TBC1D30: variants seen among roughly 807,000 people sequenced by gnomAD.
TBC1D30 encodes TBC1 domain family, member 30.
Under a neutral mutation model 63.2 loss-of-function variants are expected in TBC1D30, and 31 were observed. That is an observed-to-expected ratio of 0.49 (90% CI 0.37 to 0.66). The LOEUF (loss-of-function observed/expected upper bound fraction) is 0.66. Among genes scored for constraint, TBC1D30 ranks in the 30% least tolerant of loss-of-function variants. The pLI is 0.00. For missense variants in TBC1D30, 810 were observed against 953.6 expected (o/e 0.85, Z 1.98); for synonymous variants, 307 against 361.5 (o/e 0.85, Z 1.71).
At chr12:64,867,742 C>A (rs1006507541) in intron 10 of TBC1D30, among the ~76,000 whole-genome samples, 2 of 152,066 alleles carry the variant, frequency 1.3e-5, no homozygotes, top group African/African-American at 4.8e-5. Context: ...ATTATGGTGA[C>A]CTCTACTTGA....
intron 6 of TBC1D30, 60 bp from the exon 7 acceptor site, chr12:64,838,623 A>G (rs1045554742): frequency 1.1e-5 from 16 of 1,485,130 alleles, no homozygotes; most frequent in Admixed American, 2.0e-5. Context: ...AGAAAAGGGT[A>G]TCTGCATATG....
chr12:64,835,001 A>G (rs1159925880), intron 5 of TBC1D30, among the ~76,000 whole-genome samples: 1 of 152,062 alleles, frequency 6.6e-6, no homozygotes, highest in Non-Finnish European at 1.5e-5. Flanking sequence ...TTACGTCTGC[A>G]TTCATGATCC....
At chr12:64,871,476 C>G (rs1878652275) in intron 11 of TBC1D30, among the ~76,000 whole-genome samples, 1 of 152,088 alleles carries the variant, frequency 6.6e-6, no homozygotes, top group Non-Finnish European at 1.5e-5. Context: ...AAAATGGTGC[C>G]TGTCCAGAAT....
Position 64,763,436 on chromosome 12 carries a change from A to G in TBC1D30, c.-376+3787A>G, listed in dbSNP as rs115935626. 2.2e-3 allele frequency among the ~76,000 whole-genome samples: 336 copies of G among 152,288 alleles called. 2 individuals are homozygous for G. The highest frequency in any genetic ancestry group is 7.5e-3 in the African/African-American group (312 of 41,562). ...AAATTATGTGTATTTAAGGTGTACAACATGATGTTTTCATATACGTATAGA... is the reference window on the plus strand; with the variant it reads ...AAATTATGTGTATTTAAGGTGTACAGCATGATGTTTTCATATACGTATAGA... On this transcript the variant is annotated intron_variant, in intron 1 of 13. Coordinates refer to the TBC1D30 transcript ENST00000674237.
chr12:64,776,633 A>C (rs1239788138), upstream of TBC1D30, among the ~76,000 whole-genome samples: 2 of 152,216 alleles, frequency 1.3e-5, no homozygotes, highest in Admixed American at 6.5e-5. Context: ...AACAACCAAA[A>C]AAAGCCCAGG....
In TBC1D30 at chr12:64,875,125, C is replaced by T. The variant is rs1391762655; in HGVS notation, c.1623C>T (p.Ile541=). 1.1e-5 allele frequency: 17 copies of T among 1,536,330 alleles called. No homozygotes were observed. Among genetic ancestry groups the T allele is most frequent in the African/African-American group, 5.5e-5 (4 of 73,026 alleles). ...CTGCCAAGAATGCTGTCATCCACAT[C>T]CCTGGTCACACAGGAGGGAAAATAT... is the stretch of plus-strand genomic sequence containing the variant. The part of the protein sequence containing the change: ...NRAAKNAVIH[I]PGHTGGKISP... Residue 541 remains isoleucine (I), a synonymous_variant, in exon 12 of 12, where the codon ATC becomes ATT. Coordinates refer to ENST00000539867, the MANE Select transcript of TBC1D30 (RefSeq NM_015279.2).
upstream of TBC1D30, among the ~76,000 whole-genome samples, chr12:64,780,201 T>C (rs551479290): frequency 6.6e-6 from 1 of 152,204 alleles, no homozygotes; most frequent in Non-Finnish European, 1.5e-5. Context: ...ATTTGCCAGG[T>C]GTTCAGAGTT....
In TBC1D30 at chr12:64,794,142, A is replaced by G. The variant is rs900595815; in HGVS notation, c.643+8097A>G. Among the ~76,000 whole-genome samples, 4 of 152,024 alleles carry G rather than the reference A, an allele frequency of 2.6e-5. No homozygotes were observed. The South Asian group carries it at 8.3e-4, about 32-fold the overall frequency. On this transcript the variant is annotated intron_variant, in intron 2 of 12. Coordinates refer to the TBC1D30 transcript ENST00000542120. ...GGCTGAAGCCTTTCTGATGCCTGAC[A>G]CTTTATCCTGGACTGTTTATTTTTT...
At chr12:64,771,698 A>G (rs745805645) in intron 1 of TBC1D30, among the ~76,000 whole-genome samples, 1 of 152,184 alleles carries the variant, frequency 6.6e-6, no homozygotes, top group Non-Finnish European at 1.5e-5. Flanking sequence ...GTAGAAATGG[A>G]TGATAGCTGC....
At chr12:64,775,104 AATATAT>A (rs1555165730) in intron 1 of TBC1D30, among the ~76,000 whole-genome samples, 1 of 147,908 alleles carries the variant, frequency 6.8e-6, no homozygotes, top group Non-Finnish European at 1.5e-5. Flanking sequence ...AAAAAAAAAA[AATATAT>A]ATATATAGAT....
chr12:64,805,911 CTA>C (rs1422988065), intron 2 of TBC1D30, among the ~76,000 whole-genome samples: 4 of 152,058 alleles, frequency 2.6e-5, no homozygotes, highest in Admixed American at 6.6e-5. Context: ...AGGATTAATC[CTA>C]TATCAGAAAA....
rs1191668561 is a variant in TBC1D30, at chr12:64,784,614, C to CA, written c.479-1259dup. Reference sequence around the variant, plus strand: ...AGTGACTAATCATATCAAATGTGACCAAAAAAAACCTCCTCCCAAATCGTA... The same window carrying CA: ...AGTGACTAATCATATCAAATGTGACCAAAAAAAAACCTCCTCCCAAATCGTA... On this transcript the variant is annotated intron_variant, in intron 1 of 12. Coordinates refer to the TBC1D30 transcript ENST00000542120. Among the ~76,000 whole-genome samples the CA allele has an allele frequency of 2.2e-4, 33 of 148,094 alleles. No homozygotes were observed. The East Asian group carries it at 3.5e-3, about 16-fold the overall frequency.
At chr12:64,780,338 T>C (rs766172487), upstream of TBC1D30, among the ~76,000 whole-genome samples, 1 of 152,232 alleles carries the variant, frequency 6.6e-6, no homozygotes, top group Admixed American at 6.5e-5. Context: ...CCTGGGCCTA[T>C]TGATGGGCGT....
At chr12:64,849,158 G>T (rs893703179) in intron 8 of TBC1D30, among the ~76,000 whole-genome samples, 7 of 152,122 alleles carry the variant, frequency 4.6e-5, no homozygotes, top group African/African-American at 1.7e-4. Context: ...TAAGTTCCTT[G>T]TAGATTCTGG....
chr12:64,777,031 GA>G (rs1219484621), upstream of TBC1D30, among the ~76,000 whole-genome samples: 13 of 152,160 alleles, frequency 8.5e-5, no homozygotes, highest in Admixed American at 8.5e-4. Context: ...AACAGATGCA[GA>G]AAAAGCTTTC....
chr12:64,830,338 T>C (rs1326097966), intron 3 of TBC1D30, 39 bp from the exon 4 acceptor site: 3 of 1,493,660 alleles, frequency 2.0e-6, no homozygotes, highest in Non-Finnish European at 2.7e-6. Context: ...AGTTATATAT[T>C]CTACTTTGGC....
At chr12:64,763,619 T>C (rs530908638) in intron 1 of TBC1D30, among the ~76,000 whole-genome samples, 1 of 151,608 alleles carries the variant, frequency 6.6e-6, no homozygotes, top group East Asian at 1.9e-4. Context: ...AATTTTTTTT[T>C]TTTTTTTTGA....
intron 4 of TBC1D30, among the ~76,000 whole-genome samples, chr12:64,831,602 A>G (rs1874869089): frequency 6.6e-6 from 1 of 152,206 alleles, no homozygotes; most frequent in African/African-American, 2.4e-5. Context: ...TGTCTTTCTT[A>G]TATACATTCA....
chr12:64,790,434 G>A (rs1162357403), intron 2 of TBC1D30, among the ~76,000 whole-genome samples: 1 of 152,106 alleles, frequency 6.6e-6, no homozygotes, highest in Admixed American at 6.6e-5. Context: ...TTAATTATTA[G>A]CATTGTATAG....
Sources: allele counts gnomAD v4.1 joint callset (sites outside exome capture counted in the v4.1 genomes callset), GRCh38; gene constraint gnomAD v4.1.1; transcripts MANE v1.5; gene names NCBI Gene and HGNC (gene_info 2026-07-23, HGNC 2026-07-21).